Variants in TAFA1 observed in about 807,000 individuals in gnomAD.
The protein encoded by TAFA1 is chemokine-like protein TAFA-1.
Under a neutral mutation model 18.5 loss-of-function variants are expected in TAFA1, and 4 were observed. The ratio of observed to expected loss-of-function variants is 0.22; its 90% CI spans 0.11 to 0.49. The LOEUF (loss-of-function observed/expected upper bound fraction) is 0.49. TAFA1 is among the 20% of genes least tolerant of loss of function. TAFA1 has a pLI of 0.98. For synonymous variants in TAFA1, 56 were observed against 55.2 expected (o/e 1.01, Z -0.06); for missense variants, 147 against 169.0 (o/e 0.87, Z 0.72).
chr3:68,125,157 A>T (rs775687953), intron 2 of TAFA1, among the ~76,000 whole-genome samples: 2 of 152,190 alleles, frequency 1.3e-5, no homozygotes, highest in Non-Finnish European at 1.5e-5. Flanking sequence ...TTGAATCTTT[A>T]TCCTGCATCC....
At chr3:68,380,346 G>A (rs371568450) in intron 2 of TAFA1, among the ~76,000 whole-genome samples, 48 of 152,264 alleles carry the variant, frequency 3.2e-4, no homozygotes, top group South Asian at 8.3e-4. Context: ...TTGGCACACC[G>A]ACTTCCACAA....
chr3:68,030,876 A>G (rs957863356), intron 2 of TAFA1, among the ~76,000 whole-genome samples: 12 of 152,304 alleles, frequency 7.9e-5, no homozygotes, highest in Non-Finnish European at 1.6e-4. Context: ...TCCTTGTAGC[A>G]ATGTACCCTT....
intron 2 of TAFA1, among the ~76,000 whole-genome samples, chr3:68,336,051 C>G (rs1407240512): frequency 6.6e-6 from 1 of 152,194 alleles, no homozygotes; most frequent in East Asian, 1.9e-4. Context: ...GGGCTTGAAG[C>G]CCAGCACCAC....
chr3:68,010,635 G>A (rs1704453278), intron 2 of TAFA1, among the ~76,000 whole-genome samples: 1 of 152,062 alleles, frequency 6.6e-6, no homozygotes, highest in Non-Finnish European at 1.5e-5. Flanking sequence ...TATAGTATTA[G>A]GAATGCACCA....
chr3:68,077,256 G>T (rs1332200093), intron 2 of TAFA1, among the ~76,000 whole-genome samples: 1 of 142,010 alleles, frequency 7.0e-6, no homozygotes, highest in South Asian at 2.4e-4. Flanking sequence ...CATTTTGTAG[G>T]TTGCCTGTTC....
chr3:68,449,363 A>C (rs991037524), intron 3 of TAFA1, among the ~76,000 whole-genome samples: 4 of 152,122 alleles, frequency 2.6e-5, no homozygotes, highest in African/African-American at 9.7e-5. Context: ...AAAAGGGGAG[A>C]GGTAAGGGCG....
intron 2 of TAFA1, among the ~76,000 whole-genome samples, chr3:68,235,528 G>A (rs1057362488): frequency 6.6e-6 from 1 of 152,158 alleles, no homozygotes; most frequent in African/African-American, 2.4e-5. Flanking sequence ...ATAAATAACA[G>A]CTTCTGGGAA....
chr3:68,492,633 A>G (rs1436814399), intron 3 of TAFA1, among the ~76,000 whole-genome samples: 2 of 152,186 alleles, frequency 1.3e-5, no homozygotes, highest in African/African-American at 2.4e-5. Flanking sequence ...CAAGATAAGT[A>G]TCTCTGGAGT....
intron 2 of TAFA1, among the ~76,000 whole-genome samples, chr3:68,120,214 TTTCTTTCTTTCTTTCTTTCTTTCTTTC>T (rs2065378320): frequency 7.9e-6 from 1 of 127,026 alleles, no homozygotes; most frequent in Non-Finnish European, 1.6e-5. Flanking sequence ...TCTTTCTTTC[TTTCTTTCTTTCTTTCTTTCTTTCTTTC>T]TTTCTTTCTT....
chr3:68,423,619 A>T (rs1223564570), intron 3 of TAFA1, among the ~76,000 whole-genome samples: 1 of 152,044 alleles, frequency 6.6e-6, no homozygotes, highest in Non-Finnish European at 1.5e-5. Context: ...TTTCATTGTT[A>T]TGGAGCAATT....
At chr3:68,533,604 A>G (rs1417112008) in intron 3 of TAFA1, among the ~76,000 whole-genome samples, 2 of 152,206 alleles carry the variant, frequency 1.3e-5, no homozygotes, top group Non-Finnish European at 2.9e-5. Context: ...GTAAAACTGC[A>G]TTTTACATGA....
chr3:68,144,879 C>A, intron 2 of TAFA1: 3 of 648,788 alleles, frequency 4.6e-6, no homozygotes, highest in African/African-American at 1.8e-5. Flanking sequence ...ATTTACATTC[C>A]ATTTCCTCAT....
chr3:68,308,169 C>T (rs906293714), intron 2 of TAFA1, among the ~76,000 whole-genome samples: 1 of 152,040 alleles, frequency 6.6e-6, no homozygotes, highest in Admixed American at 6.6e-5. Context: ...TGTATGAATT[C>T]AGAGGACCCC....
chr3:68,478,669 T>A (rs944363486), intron 3 of TAFA1, among the ~76,000 whole-genome samples: 3 of 152,128 alleles, frequency 2.0e-5, no homozygotes, highest in Admixed American at 2.0e-4. Context: ...CTGTTCCACT[T>A]TGAAACAACT....
chr3:68,300,446 G>A (rs527513102), intron 2 of TAFA1, among the ~76,000 whole-genome samples: 1 of 152,308 alleles, frequency 6.6e-6, no homozygotes, highest in African/African-American at 2.4e-5. Flanking sequence ...TATCTTGGAA[G>A]TAACTAAATT....
intron 2 of TAFA1, among the ~76,000 whole-genome samples, chr3:68,156,597 T>C (rs997367067): frequency 3.3e-5 from 5 of 152,136 alleles, no homozygotes; most frequent in Non-Finnish European, 7.3e-5. Context: ...AATAAAATGA[T>C]CCATTAATGT....
chr3:68,063,106 A>G (rs1227555617), intron 2 of TAFA1, among the ~76,000 whole-genome samples: 2 of 152,256 alleles, frequency 1.3e-5, no homozygotes, highest in African/African-American at 4.8e-5. Context: ...ATGCAGCACC[A>G]GCATTGCCTA....
chr3:68,108,292 T>C (rs2065225738), intron 2 of TAFA1, among the ~76,000 whole-genome samples: 1 of 152,074 alleles, frequency 6.6e-6, no homozygotes, highest in Non-Finnish European at 1.5e-5. Context: ...TTGAACTGAA[T>C]TGTATTAAAT....
intron 2 of TAFA1, among the ~76,000 whole-genome samples, chr3:68,293,493 A>G (rs1411887274): frequency 1.3e-5 from 2 of 152,218 alleles, no homozygotes; most frequent in Admixed American, 1.3e-4. Flanking sequence ...CTCAGGATCA[A>G]ATAAACAAGG....
Sources: gnomAD v4.1 joint callset for allele counts (sites outside exome capture counted in the v4.1 genomes callset) on GRCh38, gnomAD v4.1.1 for gene constraint, MANE v1.5 for transcripts, NCBI Gene and HGNC (gene_info 2026-07-23, HGNC 2026-07-21) for gene names.